PAK3: variants seen among roughly 807,000 people sequenced by gnomAD.
The protein encoded by PAK3 is serine/threonine-protein kinase PAK 3.
PAK3 carries 4 observed loss-of-function variants against 41.0 expected under a neutral mutation model. That is an observed-to-expected ratio of 0.10 (90% CI 0.05 to 0.22). The LOEUF (loss-of-function observed/expected upper bound fraction) is 0.22, where lower values mean the gene tolerates loss of function less well. Ranked by LOEUF, PAK3 falls within the 10% of genes least tolerant of loss-of-function variation. The pLI, the probability that PAK3 is intolerant of heterozygous loss-of-function variation, is 1.00. For synonymous variants in PAK3, 146 were observed against 139.6 expected (o/e 1.05, Z -0.32); for missense variants, 205 against 409.9 (o/e 0.50, Z 4.32).
chrX:110,970,273 T>C (rs1016330206), intron 1 of PAK3, among the ~76,000 whole-genome samples: 1 of 111,922 alleles, frequency 8.9e-6, no homozygotes, highest in Non-Finnish European at 1.9e-5. Context: ...TTCTTGTAAA[T>C]TTGTTTAAGT....
intron 16 of PAK3, among the ~76,000 whole-genome samples, chrX:111,204,963 T>A (rs1322370850): frequency 5.1e-5 from 5 of 98,453 alleles, no homozygotes; most frequent in African/African-American, 7.5e-5. Context: ...TTTTTTTTTT[T>A]AATCTAGGAG....
intron 1 of PAK3, among the ~76,000 whole-genome samples, chrX:110,964,998 C>T (rs897302828): frequency 6.3e-5 from 7 of 111,980 alleles, no homozygotes; most frequent in African/African-American, 2.0e-4. Context: ...TAGCAGCTTG[C>T]TTTACCAGTG....
Position 111,225,340 on chromosome X carries a change from A to G in PAK3, c.*4893A>G, listed in dbSNP as rs1439979800. On this transcript the variant is annotated 3_prime_UTR_variant, in exon 18 of 18. Transcript: ENST00000372007. ...AATCTGCAAATGCGGGAACTGAGAT[A>G]TCACCTCCATGTGCACACCTGTGTG... The G allele has an allele frequency of 8.9e-6, 1 of 112,165 alleles. No individual in the cohort carries two copies. Among genetic ancestry groups the G allele is most frequent in the Non-Finnish European group, 1.9e-5 (1 of 53,297 alleles). 9.2% of individuals were successfully genotyped at this position (112,165 alleles called of 1,213,427 possible).
intron 1 of PAK3, among the ~76,000 whole-genome samples, chrX:110,993,269 T>A (rs1265308679): frequency 8.9e-6 from 1 of 112,014 alleles, no homozygotes; most frequent in Non-Finnish European, 1.9e-5. Flanking sequence ...ATTTGTTTGA[T>A]GTGAGTTGCT....
chrX:110,945,081 G>C (rs1408792215), intron 1 of PAK3, among the ~76,000 whole-genome samples: 1 of 112,353 alleles, frequency 8.9e-6, no homozygotes, highest in Non-Finnish European at 1.9e-5. Context: ...GGCAATGTGG[G>C]GTGTGGGTCG....
intron 1 of PAK3, among the ~76,000 whole-genome samples, chrX:111,018,584 T>G (rs1427815240): frequency 9.0e-6 from 1 of 111,620 alleles, no homozygotes; most frequent in Non-Finnish European, 1.9e-5. Context: ...CTGAAAGAGA[T>G]TAAAGACACA....
chrX:111,021,360 A>T (rs1422927402), intron 1 of PAK3, among the ~76,000 whole-genome samples: 2 of 112,200 alleles, frequency 1.8e-5, no homozygotes. Context: ...ATTACATCAC[A>T]GGACTCTTTG....
intron 1 of PAK3, among the ~76,000 whole-genome samples, chrX:111,000,013 T>C (rs761563819): frequency 9.0e-6 from 1 of 111,646 alleles, no homozygotes; most frequent in East Asian, 2.8e-4. Flanking sequence ...GCTATCACAT[T>C]ATCCAAATAT....
intron 17 of PAK3, among the ~76,000 whole-genome samples, chrX:111,219,662 G>T (rs974554555): frequency 1.8e-5 from 2 of 111,045 alleles, no homozygotes; most frequent in Admixed American, 9.6e-5. Flanking sequence ...ATGGATTTAG[G>T]AGTCATCTCC....
At chrX:111,119,993 T>G (rs1283252312) in intron 4 of PAK3, among the ~76,000 whole-genome samples, 2 of 112,380 alleles carry the variant, frequency 1.8e-5, no homozygotes, top group South Asian at 7.4e-4. Context: ...CAAAGTAATA[T>G]CAAGATAATT....
intron 11 of PAK3, among the ~76,000 whole-genome samples, chrX:111,173,578 C>G: frequency 9.0e-6 from 1 of 111,085 alleles, no homozygotes; most frequent in East Asian, 2.9e-4. Flanking sequence ...ACAATAATCC[C>G]TAAATGAGAC....
chrX:111,171,761 C>G (rs1178416591), intron 10 of PAK3, among the ~76,000 whole-genome samples: 1 of 111,173 alleles, frequency 9.0e-6, no homozygotes, highest in East Asian at 2.8e-4. Flanking sequence ...AGGTTTCTTT[C>G]TGGAATAATG....
chrX:111,099,494 T>C (rs1272516154), intron 3 of PAK3, among the ~76,000 whole-genome samples: 1 of 109,483 alleles, frequency 9.1e-6, no homozygotes, highest in Non-Finnish European at 1.9e-5. Flanking sequence ...GAAGAGGAAA[T>C]CATTAGAAAG....
chrX:111,012,303 A>G (rs777238480), intron 1 of PAK3, among the ~76,000 whole-genome samples: 2 of 112,081 alleles, frequency 1.8e-5, no homozygotes, highest in African/African-American at 6.5e-5. Context: ...CCAATAATCA[A>G]CGTATGACCC....
intron 10 of PAK3, among the ~76,000 whole-genome samples, chrX:111,166,788 A>G (rs1347938441): frequency 8.9e-6 from 1 of 112,046 alleles, no homozygotes; most frequent in East Asian, 2.8e-4. Flanking sequence ...TGATAATATA[A>G]AAACCTCAGC....
intron 1 of PAK3, among the ~76,000 whole-genome samples, chrX:110,946,850 G>A (rs960870791): frequency 3.6e-5 from 4 of 112,281 alleles, no homozygotes; most frequent in Non-Finnish European, 5.6e-5. Context: ...TAACCTGAAC[G>A]GGATCTTGAG....
At chrX:111,131,695 T>C (rs1461421414) in intron 5 of PAK3, among the ~76,000 whole-genome samples, 5 of 112,105 alleles carry the variant, frequency 4.5e-5, no homozygotes, top group African/African-American at 6.5e-5. Context: ...GAAATTCCTG[T>C]GGGTTCCCTC....
chrX:111,132,170 C>T (rs2093728316), intron 5 of PAK3, among the ~76,000 whole-genome samples: 1 of 110,419 alleles, frequency 9.1e-6, no homozygotes, highest in African/African-American at 3.3e-5. Context: ...TATCATCCAG[C>T]TAAAGAGTAA....
chrX:111,178,976 T>TAGAGAGAGAGAGAG (rs199904867), intron 11 of PAK3, among the ~76,000 whole-genome samples: 23 of 96,118 alleles, frequency 2.4e-4, no homozygotes, highest in African/African-American at 9.7e-4. Context: ...TATATATATA[T>TAGAGAGAGAGAGAG]ATATAGAGAG....
Sources: allele counts gnomAD v4.1 joint callset (sites outside exome capture counted in the v4.1 genomes callset), GRCh38; gene constraint gnomAD v4.1.1; transcripts MANE v1.5; gene names NCBI Gene and HGNC (gene_info 2026-07-23, HGNC 2026-07-21).